ROBO2: variants seen among roughly 807,000 people sequenced by gnomAD.
ROBO2 encodes roundabout guidance receptor 2.
In ROBO2, 53 loss-of-function variants were observed where a neutral mutation model predicts 160.8. That is an observed-to-expected ratio of 0.33 (90% CI 0.26 to 0.41). The LOEUF (loss-of-function observed/expected upper bound fraction) is 0.41, where lower values mean the gene tolerates loss of function less well. Among genes scored for constraint, ROBO2 ranks in the 10% least tolerant of loss-of-function variants. The probability of loss-of-function intolerance (pLI) is 1.00; values close to 1 mark genes in which losing one functional copy is unlikely to be tolerated. For missense variants in ROBO2, 1,577 were observed against 1,722.4 expected (o/e 0.92, Z 1.49); for synonymous variants, 664 against 611.7 (o/e 1.09, Z -1.26).
chr3:75,954,382 A>C (rs1309796794), intron 2 of ROBO2, among the ~76,000 whole-genome samples: 1 of 151,896 alleles, frequency 6.6e-6, no homozygotes, highest in Non-Finnish European at 1.5e-5. Flanking sequence ...ATTATGTGTC[A>C]CACAGAACAG....
chr3:76,038,346 TTTAAAA>T (rs1320022989), intron 2 of ROBO2, among the ~76,000 whole-genome samples: 1 of 151,912 alleles, frequency 6.6e-6, no homozygotes, highest in Non-Finnish European at 1.5e-5. Flanking sequence ...ACTTCAACAC[TTTAAAA>T]TTAAGTAGGA....
intron 2 of ROBO2, among the ~76,000 whole-genome samples, chr3:76,106,451 T>C (rs888029209): frequency 1.2e-4 from 18 of 152,250 alleles, no homozygotes; most frequent in African/African-American, 4.1e-4. Context: ...TTTGCATTAC[T>C]ACATAACTTT....
chr3:77,296,445 A>G (rs1045357692), intron 2 of ROBO2, among the ~76,000 whole-genome samples: 1 of 152,186 alleles, frequency 6.6e-6, no homozygotes, highest in Non-Finnish European at 1.5e-5. Context: ...AGGCTAGGGC[A>G]CGAAGTCACA....
intron 2 of ROBO2, among the ~76,000 whole-genome samples, chr3:77,215,792 T>C: frequency 6.6e-6 from 1 of 152,190 alleles, no homozygotes; most frequent in Non-Finnish European, 1.5e-5. Flanking sequence ...TAGTTTTTCT[T>C]CTAACAGTCA....
At chr3:76,228,472 G>GT (rs1382078952) in intron 2 of ROBO2, among the ~76,000 whole-genome samples, 2 of 141,554 alleles carry the variant, frequency 1.4e-5, no homozygotes, top group Non-Finnish European at 3.1e-5. Flanking sequence ...CAGACAGACA[G>GT]TTTTTTGGAA....
At chr3:77,123,806 C>G (rs1169884622) in intron 2 of ROBO2, among the ~76,000 whole-genome samples, 1 of 147,774 alleles carries the variant, frequency 6.8e-6, no homozygotes, top group African/African-American at 2.5e-5. Flanking sequence ...TATAATCTAT[C>G]TATATAGATA....
chr3:77,398,464 T>A (rs1299458882), intron 2 of ROBO2, among the ~76,000 whole-genome samples: 4 of 150,958 alleles, frequency 2.6e-5, no homozygotes, highest in African/African-American at 9.9e-5. Flanking sequence ...TCTCATTGTA[T>A]ATTTTGTGCC....
intron 2 of ROBO2, among the ~76,000 whole-genome samples, chr3:76,778,484 A>G (rs915557241): frequency 5.3e-5 from 8 of 151,096 alleles, no homozygotes; most frequent in African/African-American, 1.7e-4. Context: ...TGAAGAGCAG[A>G]CCATGATGAA....
At chr3:76,394,097 C>T (rs542304941) in intron 2 of ROBO2, among the ~76,000 whole-genome samples, 1 of 152,220 alleles carries the variant, frequency 6.6e-6, no homozygotes, top group African/African-American at 2.4e-5. Context: ...CAGTCTGTGT[C>T]TTTTAATTGT....
At chr3:76,000,570 G>A (rs2107560046) in intron 2 of ROBO2, among the ~76,000 whole-genome samples, 1 of 147,258 alleles carries the variant, frequency 6.8e-6, no homozygotes, top group East Asian at 2.0e-4. Flanking sequence ...CTCACTGCAA[G>A]CTCCGCCTCC....
At chr3:76,360,473 C>A (rs778630405) in intron 2 of ROBO2, among the ~76,000 whole-genome samples, 1 of 152,044 alleles carries the variant, frequency 6.6e-6, no homozygotes, top group African/African-American at 2.4e-5. Flanking sequence ...CTAAGCATTA[C>A]ATGTGTAGGA....
At chr3:76,822,019 T>C (rs1222227427) in intron 2 of ROBO2, among the ~76,000 whole-genome samples, 1 of 151,892 alleles carries the variant, frequency 6.6e-6, no homozygotes, top group Non-Finnish European at 1.5e-5. Context: ...AGACATCCAA[T>C]GCACTTATAA....
intron 2 of ROBO2, among the ~76,000 whole-genome samples, chr3:77,176,301 G>C (rs2150790555): frequency 6.6e-6 from 1 of 152,084 alleles, no homozygotes; most frequent in Middle Eastern, 3.4e-3. Flanking sequence ...AATGATAAAT[G>C]TACAGTAACT....
intron 1 of ROBO2, among the ~76,000 whole-genome samples, chr3:77,087,636 C>A (rs1413451011): frequency 6.6e-6 from 1 of 151,840 alleles, no homozygotes; most frequent in African/African-American, 2.4e-5. Flanking sequence ...TTTCTAGAAA[C>A]CTTCAGATTA....
intron 2 of ROBO2, among the ~76,000 whole-genome samples, chr3:76,252,877 C>T (rs562324754): frequency 1.1e-4 from 17 of 151,630 alleles, no homozygotes; most frequent in African/African-American, 4.1e-4. Flanking sequence ...CTAGGGGAGG[C>T]CTACAGGCTG....
At chr3:77,577,677 C>T (rs1273397865) in intron 15 of ROBO2, 63 bp downstream of exon 16, 2 of 1,574,866 alleles carry the variant, frequency 1.3e-6, no homozygotes, top group Non-Finnish European at 1.7e-6. Context: ...CTCAGTGTCT[C>T]ACGAATGAGA....
rs1175409254 is a variant in ROBO2 at position 76,917,227 on chromosome 3, C to CTGGTAGTCTGTTGCT, written c.110-180785_110-180771dup. 1.2e-4 allele frequency among the ~76,000 whole-genome samples: 18 copies of CTGGTAGTCTGTTGCT among 152,232 alleles called. No homozygotes were observed. The East Asian group carries it at 3.3e-3, about 28-fold the overall frequency. On this transcript the variant is annotated intron_variant, in intron 2 of 26. Transcript: ENST00000487694. Reference sequence around the variant, plus strand: ...CAAGCCTCCCATTAAAGAAGAAAGTCTGGTAGTCTGTTGCTTATTATGCAC... The same window carrying CTGGTAGTCTGTTGCT: ...CAAGCCTCCCATTAAAGAAGAAAGTCTGGTAGTCTGTTGCTTGGTAGTCTGTTGCTTATTATGCAC...
At chr3:77,073,855 G>A (rs545537176) in intron 1 of ROBO2, among the ~76,000 whole-genome samples, 4 of 152,256 alleles carry the variant, frequency 2.6e-5, no homozygotes, top group East Asian at 3.9e-4. Context: ...ACCCTTGAAC[G>A]TGGAATTATG....
At chr3:77,014,735 A>G (rs143959596) in intron 2 of ROBO2, among the ~76,000 whole-genome samples, 284 of 152,214 alleles carry the variant, frequency 1.9e-3, no homozygotes, top group South Asian at 6.2e-3. Context: ...TCACTCTATT[A>G]TCAGAGGGAA....
Sources: allele counts gnomAD v4.1 joint callset (sites outside exome capture counted in the v4.1 genomes callset), GRCh38; gene constraint gnomAD v4.1.1; transcripts MANE v1.5; gene names NCBI Gene and HGNC (gene_info 2026-07-23, HGNC 2026-07-21).